Variants in KDM2B observed in about 807,000 individuals in gnomAD.
KDM2B encodes the protein lysine-specific demethylase 2B.
A neutral mutation model predicts 150.0 loss-of-function variants in KDM2B; 26 were observed. That is an observed-to-expected ratio of 0.17 (90% CI 0.13 to 0.24). The LOEUF (loss-of-function observed/expected upper bound fraction) is 0.24, where lower values mean the gene tolerates loss of function less well. KDM2B is among the 10% of genes least tolerant of loss of function. The pLI, the probability that KDM2B is intolerant of heterozygous loss-of-function variation, is 1.00. For synonymous variants in KDM2B, 734 were observed against 729.5 expected (o/e 1.01, Z -0.10); for missense variants, 1,265 against 1,816.9 (o/e 0.70, Z 5.52).
At chr12:121,436,624 G>A (rs1162869070) in intron 22 of KDM2B, among the ~76,000 whole-genome samples, 4 of 152,082 alleles carry the variant, frequency 2.6e-5, no homozygotes, top group Admixed American at 6.6e-5. Flanking sequence ...GGAATCAGAG[G>A]ACTAGTCCAG....
At chr12:121,535,276 C>G (rs1331763797) in intron 6 of KDM2B, among the ~76,000 whole-genome samples, 5 of 151,394 alleles carry the variant, frequency 3.3e-5, no homozygotes, top group Non-Finnish European at 7.4e-5. Context: ...GCCAAGTAAG[C>G]AATGCAGCTA....
At chr12:121,423,321 TG>T in the KDM2B span, 13 of 1,360,020 alleles carry the variant, frequency 9.6e-6, no homozygotes, top group African/African-American at 1.6e-4. This position sits in a 1 kb window ranked among gnomAD's most constrained non-coding sequence, Gnocchi z 4.3. Context: ...AGCTTCGGAC[TG>T]GGAGGGTGGC....
At chr12:121,550,955 C>T (rs1163923805) in intron 4 of KDM2B, among the ~76,000 whole-genome samples, 1 of 152,168 alleles carries the variant, frequency 6.6e-6, no homozygotes, top group East Asian at 1.9e-4. Flanking sequence ...GGCACAGCCA[C>T]GGTCATCGGT....
chr12:121,497,934 A>G (rs1884149501), intron 11 of KDM2B, among the ~76,000 whole-genome samples: 1 of 151,970 alleles, frequency 6.6e-6, no homozygotes, highest in Admixed American at 6.6e-5. Context: ...CATCACTACT[A>G]AAACTACAAA....
intron 13 of KDM2B, among the ~76,000 whole-genome samples, chr12:121,449,656 G>A (rs1876892861): frequency 6.6e-6 from 1 of 152,222 alleles, no homozygotes; most frequent in Non-Finnish European, 1.5e-5. Flanking sequence ...GCACACATTG[G>A]GTTTTAGGTG....
intron 12 of KDM2B, among the ~76,000 whole-genome samples, chr12:121,477,291 C>T (rs1881491807): frequency 6.6e-6 from 1 of 151,926 alleles, no homozygotes; most frequent in African/African-American, 2.4e-5. Context: ...AAAAATGGTA[C>T]CTTCTAAAAA....
chr12:121,524,382 G>A (rs1249470531), intron 8 of KDM2B, among the ~76,000 whole-genome samples: 3 of 152,166 alleles, frequency 2.0e-5, no homozygotes, highest in Admixed American at 6.5e-5. Flanking sequence ...AGAGGCCAAC[G>A]CACCTGACTT....
At chr12:121,478,377 T>C (rs1216124537) in intron 12 of KDM2B, among the ~76,000 whole-genome samples, 4 of 150,704 alleles carry the variant, frequency 2.7e-5, no homozygotes, top group Non-Finnish European at 5.9e-5. Context: ...TTTTTTTTTT[T>C]AAGACGGAGT....
In KDM2B at chr12:121,532,922, G is replaced by T; in HGVS notation, c.815C>A (p.Ala272Glu). The stretch of plus-strand genomic sequence containing the variant: ...TGACAGCACCCACTCCTCGTACAGC[G>T]CCAAATTGTGCAGCGTTGGAGGAAT... Reference protein sequence around the residue: ...WLIPPTLHNLALYEEWVLSGK... With the variant: ...WLIPPTLHNLELYEEWVLSGK... The change falls in exon 8 of 23, where the codon GCG (alanine) becomes GAG (glutamate). Residue 272 changes from alanine (A) to glutamate (E), a missense_variant. This residue lies in a region of KDM2B where 214 missense variants were observed against 447.4 expected (regional missense o/e 0.48). Transcript: ENST00000377071. 6.2e-7 allele frequency: 1 copy of T among 1,614,192 alleles called. No homozygotes were observed. Among genetic ancestry groups the T allele is most frequent in the Non-Finnish European group, 8.5e-7 (1 of 1,180,032 alleles).
chr12:121,558,402 C>G, intron 4 of KDM2B, among the ~76,000 whole-genome samples: 1 of 151,526 alleles, frequency 6.6e-6, no homozygotes, highest in African/African-American at 2.4e-5. Context: ...CAGCACGGCT[C>G]AACACAGAAG....
intron 9 of KDM2B, chr12:121,516,919 G>A (rs1886258471): frequency 1.5e-6 from 1 of 661,046 alleles, no homozygotes; most frequent in Non-Finnish European, 2.7e-6. Flanking sequence ...ATGGTAGGGG[G>A]AAGGGGAGAG....
chr12:121,436,337 C>T (rs184672992), intron 22 of KDM2B, among the ~76,000 whole-genome samples: 3,064 of 152,084 alleles, frequency 0.02, 112 homozygotes, highest in African/African-American at 0.07. Context: ...CTGGCTAACA[C>T]GGTGAAACCC....
intron 4 of KDM2B, among the ~76,000 whole-genome samples, chr12:121,562,430 G>A (rs1555313990): frequency 6.6e-6 from 1 of 152,148 alleles, no homozygotes; most frequent in East Asian, 1.9e-4. Context: ...GTTGCAGTGA[G>A]CTGAGATGGG....
intron 4 of KDM2B, among the ~76,000 whole-genome samples, chr12:121,565,257 A>C (rs924684356): frequency 6.6e-5 from 10 of 152,062 alleles, no homozygotes; most frequent in Non-Finnish European, 1.2e-4. Flanking sequence ...GAACTGACCC[A>C]CACTAATGGA....
intron 12 of KDM2B, among the ~76,000 whole-genome samples, chr12:121,475,431 A>T (rs1033115454): frequency 1.6e-4 from 24 of 151,688 alleles, no homozygotes; most frequent in African/African-American, 4.8e-4. Flanking sequence ...CTTTACAAAA[A>T]ATAGAAGAAA....
intron 2 of KDM2B, 143 bp downstream of exon 2, chr12:121,578,659 C>G (rs1891701866): frequency 9.6e-6 from 3 of 311,440 alleles, no homozygotes; most frequent in Non-Finnish European, 1.7e-5. Context: ...ACCCCACCCC[C>G]CCAGTGCTCG....
At position 121,549,053 on chromosome 12, in the gene KDM2B, G is replaced by A. The variant is rs144205589; in HGVS notation, c.577-70C>T. 8.8e-4 allele frequency: 1,158 copies of A among 1,314,372 alleles called. 5 individuals carry two copies. The African/African-American group carries it at 0.015, about 17-fold the overall frequency. 81.4% of individuals were successfully genotyped at this position (1,314,372 alleles called of 1,614,324 possible). On this transcript the variant is annotated intron_variant, in intron 5 of 22. Transcript: ENST00000377071. The surrounding 1 kb of genome is among the most constrained non-coding windows in gnomAD (Gnocchi z 4.4). ...GCCAGACACAAATACCCCTTTCCCC[G>A]GAGAGTCCTTGGGCCCCCCCGCTCC...
intron 2 of KDM2B, among the ~76,000 whole-genome samples, chr12:121,578,439 CGGCACCTCA>C (rs1303240120): frequency 1.3e-5 from 2 of 152,206 alleles, no homozygotes; most frequent in Non-Finnish European, 2.9e-5. Context: ...AGCCAGGCGG[CGGCACCTCA>C]GGCAGCGCAG....
chr12:121,572,983 G>A (rs1451419471), intron 4 of KDM2B, among the ~76,000 whole-genome samples: 6 of 151,796 alleles, frequency 4.0e-5, no homozygotes, highest in African/African-American at 1.2e-4. Flanking sequence ...CTGCCACTAC[G>A]CCCGGCTAAT....
Sources: gnomAD v4.1 joint callset for allele counts (sites outside exome capture counted in the v4.1 genomes callset) on GRCh38, gnomAD v4.1.1 for gene constraint, gnomAD v4.1.1 regional missense constraint, Gnocchi (gnomAD v3.1) non-coding constraint, MANE v1.5 for transcripts, NCBI Gene and HGNC (gene_info 2026-07-23, HGNC 2026-07-21) for gene names.